PDC: variants seen among roughly 807,000 people sequenced by gnomAD.
The protein encoded by PDC is phosducin.
A neutral mutation model predicts 22.2 loss-of-function variants in PDC; 19 were observed. That is an observed-to-expected ratio of 0.86 (90% confidence interval 0.60 to 1.26). The LOEUF is 1.26. Among genes scored for constraint, PDC ranks in the 50% most tolerant of loss-of-function variants. PDC has a pLI of 0.00. For missense variants in PDC, 274 were observed against 286.8 expected (o/e 0.96, Z 0.32); for synonymous variants, 97 against 96.2 (o/e 1.01, Z -0.05).
intron 1 of PDC, chr1:186,451,615 A>T (rs1015246837): frequency 1.3e-5 from 2 of 152,178 alleles, no homozygotes; most frequent in African/African-American, 4.8e-5. Flanking sequence ...AAATCTAAAA[A>T]TAATTTTATT....
Position 186,447,620 on chromosome 1 carries a change from C to A in PDC, c.62-1043G>T, listed in dbSNP as rs72713778. Among the ~76,000 whole-genome samples, 425 of 152,134 alleles carry A rather than the reference C, an allele frequency of 2.8e-3. 5 individuals carry two copies. The highest frequency in any genetic ancestry group is 4.5e-3 in the Non-Finnish European group (305 of 67,988). On this transcript the variant is annotated intron_variant, in intron 2 of 3. Coordinates refer to ENST00000391997, the MANE Select transcript of PDC (RefSeq NM_002597.5). ...CACTAAAGCTTAGCTATATCTACAC[C>A]TTTAATGTCCATATTCTATATCATA...
intron 2 of PDC, among the ~76,000 whole-genome samples, chr1:186,446,909 T>C (rs935190964): frequency 6.6e-6 from 1 of 152,056 alleles, no homozygotes; most frequent in South Asian, 2.1e-4. Flanking sequence ...TTGGAAAAAA[T>C]AGCACTTTTA....
rs1662152965 is a variant in PDC, at chr1:186,443,724, A to C, written c.*255T>G. The C allele has an allele frequency of 2.9e-6, 1 of 342,292 alleles. No individual in the cohort carries two copies. The highest frequency in any genetic ancestry group is 5.3e-6 in the Non-Finnish European group (1 of 189,078). 21.2% of individuals were successfully genotyped at this position (342,292 alleles called of 1,614,324 possible). ...ATAACTTGAAAGGGATTTTTGAAAA[A>C]TGTCATAATATTATCCACATCCTCT... On this transcript the variant is annotated 3_prime_UTR_variant, in exon 4 of 4. Coordinates refer to ENST00000391997, the MANE Select transcript of PDC (RefSeq NM_002597.5).
chr1:186,449,478 TATA>T lies in PDC; in HGVS notation c.-22_-20del, dbSNP rs1484943309. ...CTTCCATTTTAGGGACTGGATTTGA[TATA>T]ATCTATAGGAGGAACAAAGAAATAA... On this transcript the variant is annotated splice_region_variant and 5_prime_UTR_variant, in exon 2 of 4. Coordinates refer to ENST00000391997, the MANE Select transcript of PDC (RefSeq NM_002597.5). 1.3e-6 allele frequency: 2 copies of T among 1,505,138 alleles called. No individual in the cohort carries two copies. Among genetic ancestry groups the T allele is most frequent in the Non-Finnish European group, 1.8e-6 (2 of 1,085,284 alleles). The allele number at this position is 1,505,138 out of a possible 1,614,324, so 93.2% of individuals were successfully genotyped here.
At chr1:186,446,650 G>GT (rs1662235489) in intron 2 of PDC, 73 bp from the exon 3 acceptor site, 2 of 878,626 alleles carry the variant, frequency 2.3e-6, no homozygotes, top group Non-Finnish European at 1.7e-6. Context: ...TGAAATTTGT[G>GT]TAAGTATTGT....
intron 2 of PDC, among the ~76,000 whole-genome samples, chr1:186,448,436 T>A (rs1662281381): frequency 6.6e-6 from 1 of 152,172 alleles, no homozygotes; most frequent in Non-Finnish European, 1.5e-5. Flanking sequence ...TCTTAATATA[T>A]ATTAGGAAAC....
intron 1 of PDC, among the ~76,000 whole-genome samples, chr1:186,454,563 A>G (rs1233758759): frequency 6.6e-6 from 1 of 152,228 alleles, no homozygotes; most frequent in Non-Finnish European, 1.5e-5. Context: ...TTTGACAATC[A>G]TATGAATTCA....
chr1:186,444,489 A>G lies in PDC; in HGVS notation c.231T>C (p.Tyr77=). ...CCTCTTTCTCTTTATGGATTAGTTC[A>G]TATTCTTGAATGCTCATCTGAGAAT... is the stretch of plus-strand genomic sequence containing the variant. ...RVSRKMSIQE[Y]ELIHKEKEDE... is the part of the protein sequence containing the mutation. Residue 77 remains tyrosine (Y), a synonymous_variant, in exon 4 of 4, where the codon TAT becomes TAC. Coordinates refer to ENST00000391997, the MANE Select transcript of PDC (RefSeq NM_002597.5). 1.3e-6 allele frequency: 2 copies of G among 1,591,826 alleles called. No individual in the cohort carries two copies. Among genetic ancestry groups the G allele is most frequent in the Non-Finnish European group, 1.7e-6 (2 of 1,162,088 alleles).
intron 1 of PDC, among the ~76,000 whole-genome samples, chr1:186,460,129 A>G (rs1662553587): frequency 6.6e-6 from 1 of 152,184 alleles, no homozygotes; most frequent in Non-Finnish European, 1.5e-5. Context: ...GCCTCAAAAC[A>G]TGCCTTAGCG....
At chr1:186,450,703 C>T (rs1662336158) in intron 1 of PDC, among the ~76,000 whole-genome samples, 1 of 152,132 alleles carries the variant, frequency 6.6e-6, no homozygotes, top group Non-Finnish European at 1.5e-5. Context: ...TCATACGAAA[C>T]TCCTTGGTGC....
At chr1:186,453,765 T>C (rs1571724900) in intron 1 of PDC, among the ~76,000 whole-genome samples, 2 of 152,282 alleles carry the variant, frequency 1.3e-5, no homozygotes, top group African/African-American at 4.8e-5. Context: ...ATGTGCGGGG[T>C]ACTCTAGATA....
At chr1:186,447,822 C>A (rs555495098) in intron 2 of PDC, among the ~76,000 whole-genome samples, 1 of 152,040 alleles carries the variant, frequency 6.6e-6, no homozygotes, top group South Asian at 2.1e-4. Context: ...ATGTTTTATG[C>A]ATATGCAAAA....
Position 186,444,492 on chromosome 1 carries a change from T to C in PDC, c.228A>G (p.Glu76=). 6.3e-7 allele frequency: 1 copy of C among 1,591,208 alleles called. No individual in the cohort carries two copies. The highest frequency in any genetic ancestry group is 8.6e-7 in the Non-Finnish European group (1 of 1,161,180). Residue 76 remains glutamate, a synonymous_variant, in exon 4 of 4, where the codon GAA becomes GAG. Coordinates refer to ENST00000391997, the MANE Select transcript of PDC (RefSeq NM_002597.5). The part of the protein sequence containing the change: ...ERVSRKMSIQ[E]YELIHKEKED... Reference sequence around the variant, plus strand: ...CTTTCTCTTTATGGATTAGTTCATATTCTTGAATGCTCATCTGAGAATAAA... The same window carrying C: ...CTTTCTCTTTATGGATTAGTTCATACTCTTGAATGCTCATCTGAGAATAAA...
Position 186,446,529 on chromosome 1 carries a change from T to G in PDC, c.110A>C (p.Gln37Pro). 1 of 1,597,748 alleles carries G rather than the reference T, an allele frequency of 6.3e-7. No homozygotes were observed. The highest frequency in any genetic ancestry group is 8.6e-7 in the Non-Finnish European group (1 of 1,166,686). Residue 37 changes from glutamine (Q) to proline (P), a missense_variant, in exon 3 of 4, where the codon CAA becomes CCA. Transcript: ENST00000391997. ...NDWRKFKLESQDSDSIPPSKK... is the reference protein window; with the variant it reads ...NDWRKFKLESPDSDSIPPSKK... ...GCTAGGTGGAATTGAATCACTGTCT[T>G]GACTCTCTAATTTAAACTTTCTCCA...
chr1:186,460,054 T>C (rs1246455428), intron 1 of PDC, among the ~76,000 whole-genome samples: 3 of 152,078 alleles, frequency 2.0e-5, no homozygotes, highest in Admixed American at 6.6e-5. Flanking sequence ...ACAAACATTA[T>C]TTCTACTTTA....
At chr1:186,448,156 T>C (rs1189906242) in intron 2 of PDC, among the ~76,000 whole-genome samples, 2 of 152,188 alleles carry the variant, frequency 1.3e-5, no homozygotes, top group Non-Finnish European at 2.9e-5. Context: ...GGTATAGTTA[T>C]GGTTATATAA....
At position 186,443,684 on chromosome 1, in the gene PDC, TA is replaced by T. The variant is rs1230148317; in HGVS notation, c.*294del. 8.0e-6 allele frequency: 2 copies of T among 249,866 alleles called. No individual in the cohort carries two copies. Among genetic ancestry groups the T allele is most frequent in the Non-Finnish European group, 1.5e-5 (2 of 131,108 alleles). 15.5% of individuals were successfully genotyped at this position (249,866 alleles called of 1,614,324 possible). A position where few individuals can be genotyped will look rare whatever the true frequency, so the allele number is the denominator to read the frequency against. On this transcript the variant is annotated 3_prime_UTR_variant, in exon 4 of 4. Transcript: ENST00000391997. The stretch of plus-strand genomic sequence containing the variant: ...ATAACAGTGATGAGGGAAAATGGAG[TA>T]AAAAAGACAAAACATAACTTGAAAG...
intron 3 of PDC, 151 bp from the exon 4 acceptor site, chr1:186,444,657 C>A (rs1662184111): frequency 1.7e-6 from 1 of 595,824 alleles, no homozygotes; most frequent in Non-Finnish European, 2.9e-6. Flanking sequence ...TTCTCTTTCA[C>A]CTCATTGAAG....
chr1:186,458,516 C>T lies in PDC; in HGVS notation c.-25+2543G>A, dbSNP rs565181399. Among the ~76,000 whole-genome samples the T allele has an allele frequency of 1.4e-3, 204 of 150,568 alleles. 1 individual carries two copies. In the South Asian group the frequency reaches 0.015, roughly 11 times the overall value. ...CACTTTTAAGTCATTTCATTAGAGT[C>T]GCCTCAGAAGTCCTGGTGAGACAAT... On this transcript the variant is annotated intron_variant, in intron 1 of 3. Transcript: ENST00000391997.
Sources: gnomAD v4.1 joint callset for allele counts (sites outside exome capture counted in the v4.1 genomes callset) on GRCh38, gnomAD v4.1.1 for gene constraint, MANE v1.5 for transcripts, NCBI Gene and HGNC (gene_info 2026-07-23, HGNC 2026-07-21) for gene names.